The following PARP16 variants were observed in gnomAD, a reference collection of about 807,000 sequenced individuals.
PARP16 encodes poly(ADP-ribose) polymerase family member 16.
PARP16 carries 31 observed loss-of-function variants against 35.0 expected under a neutral mutation model. That is an observed-to-expected ratio of 0.88 (90% CI 0.66 to 1.19). The LOEUF is 1.19. Among genes scored for constraint, PARP16 ranks in the 50% most tolerant of loss-of-function variants. PARP16 has a pLI of 0.00. For synonymous variants in PARP16, 162 were observed against 169.5 expected, an observed-to-expected ratio of 0.96 and a Z score of 0.34; for missense variants, 424 against 411.2, an observed-to-expected ratio of 1.03 and a Z score of -0.27.
At chr15:65,246,993 C>T (rs1567011625) in intron 3 of PARP16, among the ~76,000 whole-genome samples, 1 of 142,812 alleles carries the variant, frequency 7.0e-6, no homozygotes, top group African/African-American at 2.4e-5. Flanking sequence ...TCATGCTCAA[C>T]AATTTTTTTT....
chr15:65,236,182 C>T (rs2088874576), intron 3 of PARP16, among the ~76,000 whole-genome samples: 1 of 152,248 alleles, frequency 6.6e-6, no homozygotes, highest in Admixed American at 6.5e-5. Flanking sequence ...TTAAACCCAC[C>T]ACATCTCCTT....
Position 65,270,923 on chromosome 15 carries a change from C to T in PARP16, c.312+12G>A, listed in dbSNP as rs199758066. 735 of 1,613,950 alleles carry T rather than the reference C, an allele frequency of 4.6e-4. 4 individuals are homozygous for T. In the African/African-American group the frequency reaches 8.0e-3, roughly 17 times the overall value. On this transcript the variant is annotated intron_variant, in intron 2 of 5. Coordinates refer to ENST00000649807, the MANE Select transcript of PARP16 (RefSeq NM_001316943.2). ...CCCCTAAAATCTGTGATGCTACGGA[C>T]CAAAGTCTCACCTCTGCCTTCCCTG...
intron 1 of PARP16, among the ~76,000 whole-genome samples, chr15:65,284,621 C>T (rs1170137046): frequency 6.6e-6 from 1 of 151,584 alleles, no homozygotes; most frequent in Non-Finnish European, 1.5e-5. Context: ...CCACCGCACT[C>T]GGCCTATAAT....
chr15:65,281,205 C>T (rs2090414097), intron 1 of PARP16, among the ~76,000 whole-genome samples: 2 of 152,148 alleles, frequency 1.3e-5, no homozygotes, highest in Non-Finnish European at 2.9e-5. Context: ...ACCTGAAGTT[C>T]GGAGGCCAAT....
downstream of PARP16, among the ~76,000 whole-genome samples, chr15:65,256,916 T>C (rs2089530345): frequency 6.6e-6 from 1 of 152,220 alleles, no homozygotes; most frequent in African/African-American, 2.4e-5. Context: ...ATTGGTTATG[T>C]GATTGACGCT....
chr15:65,282,133 C>A (rs2090438316), intron 1 of PARP16, among the ~76,000 whole-genome samples: 1 of 152,190 alleles, frequency 6.6e-6, no homozygotes, highest in African/African-American at 2.4e-5. Flanking sequence ...ACCTCAGCCT[C>A]CCAAGTAGCT....
chr15:65,279,544 T>G (rs1382085974), intron 1 of PARP16, among the ~76,000 whole-genome samples: 3 of 152,186 alleles, frequency 2.0e-5, no homozygotes, highest in African/African-American at 7.2e-5. Flanking sequence ...TATGTCTGTA[T>G]CCATATATTT....
In PARP16 at chr15:65,259,455, G is replaced by A. The variant is rs756746802; in HGVS notation, c.921C>T (p.Val307=). ...LYLLLLLIVS[V]INSSAFQHFW... is the part of the protein sequence containing the mutation. ...AGTGTTGGAAAGCAGAGGAGTTGATGACACTCACTATGAGCAGCAGCAGCA... is the reference window on the plus strand; with the variant it reads ...AGTGTTGGAAAGCAGAGGAGTTGATAACACTCACTATGAGCAGCAGCAGCA... Residue 307 remains valine, a synonymous_variant, in exon 6 of 6, where the codon GTC becomes GTT. Coordinates refer to ENST00000649807, the MANE Select transcript of PARP16 (RefSeq NM_001316943.2). 3 of 1,613,900 alleles carry A rather than the reference G, an allele frequency of 1.9e-6. No individual in the cohort carries two copies. Among genetic ancestry groups the A allele is most frequent in the Admixed American group, 3.3e-5 (2 of 60,004 alleles).
intron 1 of PARP16, among the ~76,000 whole-genome samples, chr15:65,283,682 G>A (rs553241780): frequency 1.1e-4 from 17 of 152,224 alleles, no homozygotes; most frequent in African/African-American, 3.6e-4. Context: ...AGAGCTAGGG[G>A]GTGTCCTTGC....
In PARP16 at chr15:65,260,865, G is replaced by C. The variant is rs1324244328; in HGVS notation, c.833+20C>G. 6.2e-7 allele frequency: 1 copy of C among 1,611,708 alleles called. No homozygotes were observed. The highest frequency in any genetic ancestry group is 1.1e-5 in the South Asian group (1 of 90,832). On this transcript the variant is annotated intron_variant, in intron 5 of 5. Transcript: ENST00000649807. ...GCCAGCACTCTGAATACAGCCATTA[G>C]TTGTTCTCTTGGACCTTACCTCTTG...
At position 65,259,461 on chromosome 15, in the gene PARP16, C is replaced by G; in HGVS notation, c.915G>C (p.Val305=). The G allele has an allele frequency of 6.2e-7, 1 of 1,613,904 alleles. No individual in the cohort carries two copies. The highest frequency in any genetic ancestry group is 8.5e-7 in the Non-Finnish European group (1 of 1,179,786). ...GGAAAGCAGAGGAGTTGATGACACT[C>G]ACTATGAGCAGCAGCAGCAGATACA... ...ISLYLLLLLI[V]SVINSSAFQH... Residue 305 remains valine, a synonymous_variant, in exon 6 of 6, where the codon GTG becomes GTC. Coordinates refer to ENST00000649807, the MANE Select transcript of PARP16 (RefSeq NM_001316943.2).
chr15:65,273,669 G>A (rs911278150), intron 1 of PARP16, among the ~76,000 whole-genome samples: 34 of 151,812 alleles, frequency 2.2e-4, no homozygotes, highest in East Asian at 9.7e-4. Flanking sequence ...ACCTGAGGTC[G>A]GGAGTTTGAA....
chr15:65,253,570 T>C (rs948284774), downstream of PARP16, among the ~76,000 whole-genome samples: 3 of 152,068 alleles, frequency 2.0e-5, no homozygotes, highest in Admixed American at 6.6e-5. Flanking sequence ...GACCTCGTGA[T>C]CCGCCCGCCT....
chr15:65,248,441 G>A (rs1045019993), intron 2 of PARP16, among the ~76,000 whole-genome samples: 1 of 152,028 alleles, frequency 6.6e-6, no homozygotes, highest in African/African-American at 2.4e-5. Flanking sequence ...TATGCAAGCA[G>A]TAGAGGCCCA....
At chr15:65,236,655 TG>T (rs1414064719) in intron 3 of PARP16, among the ~76,000 whole-genome samples, 1 of 152,042 alleles carries the variant, frequency 6.6e-6, no homozygotes, top group Non-Finnish European at 1.5e-5. Context: ...GGCTGGGTAA[TG>T]GTATTGGACT....
intron 3 of PARP16, among the ~76,000 whole-genome samples, chr15:65,243,231 A>AG (rs2089125789): frequency 6.6e-6 from 1 of 152,010 alleles, no homozygotes; most frequent in Admixed American, 6.6e-5. Flanking sequence ...GAAAGCATTC[A>AG]ATCTTTAACC....
chr15:65,239,544 C>T (rs1174849533), intron 3 of PARP16, among the ~76,000 whole-genome samples: 1 of 151,008 alleles, frequency 6.6e-6, no homozygotes, highest in Non-Finnish European at 1.5e-5. Context: ...CCTTTGAAAT[C>T]CAACTTCCCT....
downstream of PARP16, among the ~76,000 whole-genome samples, chr15:65,233,834 G>A (rs1002724453): frequency 4.0e-5 from 6 of 151,692 alleles, no homozygotes; most frequent in African/African-American, 1.2e-4. Context: ...AGTCAGTTTC[G>A]TTGCGCAACT....
intron 2 of PARP16, among the ~76,000 whole-genome samples, chr15:65,249,045 C>T (rs1366391898): frequency 1.3e-5 from 2 of 152,178 alleles, no homozygotes; most frequent in Non-Finnish European, 1.5e-5. Flanking sequence ...CCTTAGGAAA[C>T]CGCTCAGCCA....
Sources: gnomAD v4.1 joint callset for allele counts (sites outside exome capture counted in the v4.1 genomes callset) on GRCh38, gnomAD v4.1.1 for gene constraint, MANE v1.5 for transcripts, NCBI Gene and HGNC (gene_info 2026-07-23, HGNC 2026-07-21) for gene names.